The following RNF213 variants were observed in gnomAD, a reference collection of about 807,000 sequenced individuals.
The protein encoded by RNF213 is E3 ubiquitin-protein ligase RNF213.
RNF213 carries 341 observed loss-of-function variants against 514.4 expected under a neutral mutation model. The ratio of observed to expected loss-of-function variants is 0.66; its 90% confidence interval spans 0.61 to 0.73. The LOEUF (loss-of-function observed/expected upper bound fraction) is 0.73, where lower values mean the gene tolerates loss of function less well. Among genes scored for constraint, RNF213 ranks in the 30% least tolerant of loss-of-function variants. RNF213 has a pLI of 0.00. For missense variants in RNF213, 5,767 were observed against 6,615.6 expected, an observed-to-expected ratio of 0.87 and a Z score of 4.45; for synonymous variants, 2,655 against 2,658.2, an observed-to-expected ratio of 1.00 and a Z score of 0.04.
chr17:80,351,196 A>C (rs2078497561), intron 31 of RNF213, among the ~76,000 whole-genome samples: 1 of 152,260 alleles, frequency 6.6e-6, no homozygotes, highest in African/African-American at 2.4e-5. Context: ...TGAAATGGAA[A>C]GGTCCACTGG....
At chr17:80,306,581 G>A (rs1008221796) in intron 12 of RNF213, 113 bp downstream of exon 12, 12 of 1,090,990 alleles carry the variant, frequency 1.1e-5, no homozygotes, top group African/African-American at 4.7e-5. Context: ...GGCTGGGTGC[G>A]GTGGCTCACG....
intron 2 of RNF213, among the ~76,000 whole-genome samples, chr17:80,265,142 G>A (rs1010022601): frequency 1.3e-5 from 2 of 151,722 alleles, no homozygotes; most frequent in Non-Finnish European, 2.9e-5. Context: ...TGCCTCCCGG[G>A]TTCAAGTGAT....
At position 80,264,835 on chromosome 17, in the gene RNF213, TC is replaced by T. The variant is rs2043552610; in HGVS notation, c.97+1060del. 6.6e-6 allele frequency among the ~76,000 whole-genome samples: 1 copy of T among 151,888 alleles called. No homozygotes were observed. On this transcript the variant is annotated intron_variant, in intron 2 of 67. Transcript: ENST00000582970. The surrounding 1 kb of genome is among the most constrained non-coding windows in gnomAD (Gnocchi z 5.0). ...GGCTGCCCACCCCATTCCTCTTGGCTCCCTCTCCTGTCCCCAGAGCCCACCA... is the reference window on the plus strand; with the variant it reads ...GGCTGCCCACCCCATTCCTCTTGGCTCCTCTCCTGTCCCCAGAGCCCACCA...
chr17:80,276,089 T>TTTA (rs2044045814), intron 3 of RNF213, among the ~76,000 whole-genome samples: 1 of 148,006 alleles, frequency 6.8e-6, no homozygotes, highest in South Asian at 2.1e-4. Flanking sequence ...TTATTTATTT[T>TTTA]TTGTTTTATT....
chr17:80,352,591 A>G (rs2144216550), intron 32 of RNF213: 2 of 564,812 alleles, frequency 3.5e-6, no homozygotes, highest in South Asian at 2.5e-5. Flanking sequence ...AATGGAAGGC[A>G]GACCTTGCCA....
rs2045057808 is a variant in RNF213, at chr17:80,298,728, G to A, written c.2210+210G>A. 12 of 561,990 alleles carry A rather than the reference G, an allele frequency of 2.1e-5. No individual in the cohort carries two copies. The South Asian group carries it at 2.3e-4, about 11-fold the overall frequency. The allele number at this position is 561,990 out of a possible 1,614,324, so 34.8% of individuals were successfully genotyped here. ...GCCTGTAATCCCAGCACTTTGGGAG[G>A]CTGAGACGGGTGGATCACCTGAGGT... On this transcript the variant is annotated intron_variant, in intron 11 of 67. Coordinates refer to ENST00000582970, the MANE Select transcript of RNF213 (RefSeq NM_001256071.3).
Position 80,347,616 on chromosome 17 carries a change from T to C in RNF213, c.9281T>C (p.Met3094Thr). 5 of 1,614,136 alleles carry C rather than the reference T, an allele frequency of 3.1e-6. No individual in the cohort carries two copies. Among genetic ancestry groups the C allele is most frequent in the Non-Finnish European group, 4.2e-6 (5 of 1,180,034 alleles). The change falls in exon 29 of 68, where the codon ATG becomes ACG. Residue 3094 changes from methionine (M) to threonine (T), a missense_variant. Met to Thr is a moderately conservative substitution (Grantham distance 81, BLOSUM62 -1). Transcript: ENST00000582970. This position sits in a 1 kb window ranked among gnomAD's most constrained non-coding sequence, Gnocchi z 7.2. ...CRNINRVKIC[M>T]ETGKMVLLLN... ...AACATCAATCGTGTGAAGATCTGCA[T>C]GGAAACAGGCAAGATGGTGTTGCTT...
chr17:80,312,608 C>T (rs2045609041), intron 14 of RNF213, among the ~76,000 whole-genome samples: 1 of 152,088 alleles, frequency 6.6e-6, no homozygotes, highest in Non-Finnish European at 1.5e-5. Flanking sequence ...AGGTTTACCT[C>T]CGGGTCAGGA....
In RNF213 at chr17:80,291,619, C is replaced by A; in HGVS notation, c.1272-9C>A. The A allele has an allele frequency of 6.2e-7, 1 of 1,614,048 alleles. No individual in the cohort carries two copies. The highest frequency in any genetic ancestry group is 1.1e-5 in the South Asian group (1 of 91,062). On this transcript the variant is annotated splice_polypyrimidine_tract_variant and intron_variant, in intron 7 of 67. Transcript: ENST00000582970. ...TTTGGATAGCCAACCGTATCCTGTT[C>A]ATTCACAGAGACTTGGGTCATGACC... is the stretch of plus-strand genomic sequence containing the variant.
rs190658929 is a variant in RNF213 at position 80,280,084 on chromosome 17, G to A, written c.261+6680G>A. Among the ~76,000 whole-genome samples, 373 of 151,720 alleles carry A rather than the reference G, an allele frequency of 2.5e-3. 3 individuals carry two copies. The highest frequency in any genetic ancestry group is 0.023 in the Admixed American group (355 of 15,286). On this transcript the variant is annotated intron_variant, in intron 3 of 67. Transcript: ENST00000582970. Reference sequence around the variant, plus strand: ...AGGCAGAAGCCTTCAAGGCAGGCATGCTCTTTCCTCTGTGGGCTGGGGCTT... The same window carrying A: ...AGGCAGAAGCCTTCAAGGCAGGCATACTCTTTCCTCTGTGGGCTGGGGCTT...
At position 80,392,548 on chromosome 17, in the gene RNF213, T is replaced by C. The variant is rs541709534; in HGVS notation, c.15471-797T>C. 3.3e-5 allele frequency among the ~76,000 whole-genome samples: 5 copies of C among 152,122 alleles called. 1 individual carries two copies. Among genetic ancestry groups the C allele is most frequent in the Admixed American group, 1.3e-4 (2 of 15,288 alleles). On this transcript the variant is annotated intron_variant, in intron 67 of 67. Transcript: ENST00000582970. ...CACCAGAGCCTTGAACCCAGGATGC[T>C]AGTCCCAGTTCAGGAGCTCAGGTCA...
intron 50 of RNF213, chr17:80,374,839 C>A (rs2079681481): frequency 2.0e-6 from 1 of 505,572 alleles, no homozygotes; most frequent in Non-Finnish European, 3.6e-6. Flanking sequence ...GCTGATCTGC[C>A]AAGTCCATCA....
Position 80,346,286 on chromosome 17 carries a change from T to C in RNF213, c.7951T>C (p.Phe2651Leu). The change falls in exon 29 of 68, where the codon TTC (phenylalanine) becomes CTC (leucine). Residue 2651 changes from phenylalanine to leucine, a missense_variant. Coordinates refer to ENST00000582970, the MANE Select transcript of RNF213 (RefSeq NM_001256071.3). This position sits in a 1 kb window ranked among gnomAD's most constrained non-coding sequence, Gnocchi z 8.1. ...VERCVKVFRW[F>L]HEHSAMLLAQ... ...GCGCTGTGTGAAAGTTTTCAGGTGG[T>C]TCCACGAGCACAGCGCGATGCTCTT... 1 of 1,614,014 alleles carries C rather than the reference T, an allele frequency of 6.2e-7. No homozygotes were observed. The highest frequency in any genetic ancestry group is 8.5e-7 in the Non-Finnish European group (1 of 1,180,004).
intron 17 of RNF213, chr17:80,320,129 G>C (rs191633525): frequency 3.4e-5 from 19 of 558,460 alleles, no homozygotes; most frequent in Non-Finnish European, 4.1e-5. Flanking sequence ...TAATGACAGA[G>C]CATTTTCATC....
At chr17:80,301,800 A>G (rs1489521161) in intron 11 of RNF213, among the ~76,000 whole-genome samples, 1 of 152,240 alleles carries the variant, frequency 6.6e-6, no homozygotes, top group Non-Finnish European at 1.5e-5. Flanking sequence ...TATCCAAAGT[A>G]AAGGAAATCA....
rs1208395826 is a variant in RNF213, at chr17:80,393,555, T to C, written c.*57T>C. Reference sequence around the variant, plus strand: ...TGGAGAGAAGACTCCTCTCTCCTCGTCTGCGGCGTGGACTTGATCATGGAC... The same window carrying C: ...TGGAGAGAAGACTCCTCTCTCCTCGCCTGCGGCGTGGACTTGATCATGGAC... On this transcript the variant is annotated 3_prime_UTR_variant, in exon 68 of 68. Coordinates refer to ENST00000582970, the MANE Select transcript of RNF213 (RefSeq NM_001256071.3). 1 of 1,569,572 alleles carries C rather than the reference T, an allele frequency of 6.4e-7. No homozygotes were observed.
Position 80,340,231 on chromosome 17 carries a change from C to A in RNF213, c.5864C>A (p.Pro1955His), listed in dbSNP as rs2078111319. The change falls in exon 26 of 68, where the codon CCC (proline) becomes CAC (histidine). Residue 1955 changes from proline (P) to histidine (H), a missense_variant. Physicochemically the swap from Pro to His is moderately conservative, Grantham distance 77. Coordinates refer to ENST00000582970, the MANE Select transcript of RNF213 (RefSeq NM_001256071.3). Reference sequence around the variant, plus strand: ...AAGGTCTTCGTCACCCCCCAGGCACCCCTCGAGGCCATCCAAGCCTACCTG... The same window carrying A: ...AAGGTCTTCGTCACCCCCCAGGCACACCTCGAGGCCATCCAAGCCTACCTG... ...QHKVFVTPQA[P>H]LEAIQAYLAG... 6.2e-7 allele frequency: 1 copy of A among 1,614,196 alleles called. No individual in the cohort carries two copies.
In RNF213 at chr17:80,372,992, C is replaced by A; in HGVS notation, c.12769C>A (p.Gln4257Lys). 6.2e-7 allele frequency: 1 copy of A among 1,613,860 alleles called. No individual in the cohort carries two copies. Among genetic ancestry groups the A allele is most frequent in the South Asian group, 1.1e-5 (1 of 91,058 alleles). The change falls in exon 49 of 68, where the codon CAG (glutamine) becomes AAG (lysine). Residue 4257 changes from glutamine to lysine, a missense_variant. Coordinates refer to ENST00000582970, the MANE Select transcript of RNF213 (RefSeq NM_001256071.3). ...EGGPEMAKEK[Q>K]CYLQQVKQFC... ...CCTCTCAGAGATGGCCAAGGAGAAGCAGTGCTACCTGCAGCAAGTCAAGCA... is the reference window on the plus strand; with the variant it reads ...CCTCTCAGAGATGGCCAAGGAGAAGAAGTGCTACCTGCAGCAAGTCAAGCA...
At chr17:80,385,826 A>G (rs1253663031) in intron 61 of RNF213, among the ~76,000 whole-genome samples, 2 of 152,100 alleles carry the variant, frequency 1.3e-5, no homozygotes, top group African/African-American at 2.4e-5. Flanking sequence ...GATTCAAGCA[A>G]TTCTCCTGCC....
Sources: allele counts gnomAD v4.1 joint callset (sites outside exome capture counted in the v4.1 genomes callset), GRCh38; gene constraint gnomAD v4.1.1; non-coding constraint Gnocchi (gnomAD v3.1); transcripts MANE v1.5; gene names NCBI Gene and HGNC (gene_info 2026-07-23, HGNC 2026-07-21).